Variants in TAS1R2 observed in about 807,000 individuals in gnomAD.
TAS1R2 encodes taste 1 receptor member 2.
A neutral mutation model predicts 49.3 loss-of-function variants in TAS1R2; 47 were observed. The ratio of observed to expected loss-of-function variants is 0.95; its 90% CI spans 0.75 to 1.22. The LOEUF (loss-of-function observed/expected upper bound fraction) is 1.22. TAS1R2 is among the 50% of genes most tolerant of loss of function. The pLI is 0.00. For synonymous variants in TAS1R2, 479 were observed against 467.9 expected, an observed-to-expected ratio of 1.02 and a Z score of -0.31; for missense variants, 1,155 against 1,122.1, an observed-to-expected ratio of 1.03 and a Z score of -0.42.
intron 2 of TAS1R2, 141 bp downstream of exon 2, chr1:18,857,190 G>A: frequency 1.0e-6 from 1 of 963,712 alleles, no homozygotes. Context: ...ACCTTCTCAA[G>A]ATTTGGGCTG....
intron 4 of TAS1R2, among the ~76,000 whole-genome samples, chr1:18,844,468 C>G (rs932613725): frequency 5.9e-5 from 9 of 152,142 alleles, no homozygotes; most frequent in Non-Finnish European, 1.2e-4. Context: ...TTGACTTGTC[C>G]CAGCCAGGCA....
intron 3 of TAS1R2, among the ~76,000 whole-genome samples, chr1:18,852,984 C>T (rs1019363781): frequency 8.5e-5 from 13 of 152,224 alleles, no homozygotes; most frequent in African/African-American, 3.1e-4. Flanking sequence ...GATTGGTGCC[C>T]TTTGGTCTCC....
chr1:18,846,927 A>G (rs147414955), intron 4 of TAS1R2, among the ~76,000 whole-genome samples: 135 of 152,278 alleles, frequency 8.9e-4, no homozygotes, highest in African/African-American at 3.2e-3. Context: ...ATTGTGAGTG[A>G]GTTCTTGTGA....
chr1:18,849,670 A>G, intron 3 of TAS1R2, 120 bp from the exon 4 acceptor site: 1 of 1,138,108 alleles, frequency 8.8e-7, no homozygotes, highest in Non-Finnish European at 1.3e-6. Context: ...TGTAATATGG[A>G]GGCAATAAAT....
intron 4 of TAS1R2, among the ~76,000 whole-genome samples, chr1:18,845,840 C>T (rs536489233): frequency 3.3e-5 from 5 of 152,122 alleles, no homozygotes; most frequent in Non-Finnish European, 7.3e-5. Flanking sequence ...AGGTCTGGAT[C>T]ACCCCCCAGG....
chr1:18,846,581 C>A (rs1373361320), intron 4 of TAS1R2, among the ~76,000 whole-genome samples: 2 of 152,224 alleles, frequency 1.3e-5, no homozygotes, highest in African/African-American at 4.8e-5. Context: ...TCCTAGTCCC[C>A]AGGACCCCAG....
At chr1:18,846,202 A>T (rs1933917463) in intron 4 of TAS1R2, among the ~76,000 whole-genome samples, 1 of 152,206 alleles carries the variant, frequency 6.6e-6, no homozygotes, top group Admixed American at 6.5e-5. Flanking sequence ...AGGCTGCAGT[A>T]TGAAATGCCC....
In TAS1R2 at chr1:18,849,560, T is replaced by C; in HGVS notation, c.1258-10A>G. On this transcript the variant is annotated splice_polypyrimidine_tract_variant and intron_variant, in intron 3 of 5. Transcript: ENST00000375371. The stretch of plus-strand genomic sequence containing the variant: ...AGATCTCCTCAAGCAGCTGGCGGGG[T>C]CAGAGGGAAGGGAAGTGGAGCTAGC... The C allele has an allele frequency of 1.2e-6, 2 of 1,613,702 alleles. No individual in the cohort carries two copies. The highest frequency in any genetic ancestry group is 1.7e-6 in the Non-Finnish European group (2 of 1,179,808).
chr1:18,848,698 G>A (rs1293737210), intron 4 of TAS1R2, among the ~76,000 whole-genome samples: 1 of 152,142 alleles, frequency 6.6e-6, no homozygotes, highest in African/African-American at 2.4e-5. Context: ...GATTCTCATA[G>A]GAGCACAAAC....
At position 18,854,068 on chromosome 1, in the gene TAS1R2, A is replaced by T. The variant is rs886850433; in HGVS notation, c.1257+145T>A. On this transcript the variant is annotated intron_variant, in intron 3 of 5. Transcript: ENST00000375371. The surrounding 1 kb of genome is among the most constrained non-coding windows in gnomAD (Gnocchi z 4.9). The stretch of plus-strand genomic sequence containing the variant: ...TGGTGAGTGTTCAATTAATTTAAAA[A>T]GCAATTTTGTTTTGGCACCAGGAAG... The T allele has an allele frequency of 2.7e-6, 2 of 747,980 alleles. No homozygotes were observed. Among genetic ancestry groups the T allele is most frequent in the Non-Finnish European group, 4.2e-6 (2 of 471,354 alleles). 46.3% of individuals were successfully genotyped at this position (747,980 alleles called of 1,614,324 possible). A position where few individuals can be genotyped will look rare whatever the true frequency, so the allele number is the denominator to read the frequency against.
exon 6 of TAS1R2, chr1:18,840,357 A>G: frequency 6.2e-7 from 1 of 1,614,172 alleles, no homozygotes; most frequent in Non-Finnish European, 8.5e-7. Context: ...AAGTGCCTCC[A>G]GAATATCACC....
intron 3 of TAS1R2, among the ~76,000 whole-genome samples, chr1:18,851,413 T>A (rs1934022537): frequency 6.6e-6 from 1 of 152,060 alleles, no homozygotes; most frequent in South Asian, 2.1e-4. Flanking sequence ...GACTACAACA[T>A]CCGTCTCCTG....
chr1:18,854,494 T>C lies in TAS1R2; in HGVS notation c.976A>G (p.Thr326Ala), dbSNP rs754110360. The change falls in exon 3 of 6, where the codon ACC becomes GCC. Residue 326 changes from threonine to alanine, a missense_variant. Physicochemically the swap from Thr to Ala is moderately conservative, Grantham distance 58 (BLOSUM62 0). Transcript: ENST00000375371. The surrounding 1 kb of genome is among the most constrained non-coding windows in gnomAD (Gnocchi z 4.9). ...CCCGGGATGGGCACGCTCTGGATGGTGATGCCCAGGAAGGTGCCCAAGTGG... is the reference window on the plus strand; with the variant it reads ...CCCGGGATGGGCACGCTCTGGATGGCGATGCCCAGGAAGGTGCCCAAGTGG... The C allele has an allele frequency of 6.2e-7, 1 of 1,613,984 alleles. No individual in the cohort carries two copies. The highest frequency in any genetic ancestry group is 1.1e-5 in the South Asian group (1 of 91,074).
chr1:18,851,527 C>T (rs1934025135), intron 3 of TAS1R2, among the ~76,000 whole-genome samples: 1 of 152,070 alleles, frequency 6.6e-6, no homozygotes, highest in Non-Finnish European at 1.5e-5. Context: ...GATGGGGTTT[C>T]ACCATGTTGG....
chr1:18,859,457 C>T (rs1934200901), intron 1 of TAS1R2, 22 bp downstream of exon 1: 4 of 1,613,240 alleles, frequency 2.5e-6, no homozygotes, highest in Non-Finnish European at 1.7e-6. Flanking sequence ...CTGCCACTTC[C>T]AGCCCCACAC....
exon 6 of TAS1R2, chr1:18,840,316 G>T: frequency 1.9e-6 from 3 of 1,614,050 alleles, no homozygotes; most frequent in Non-Finnish European, 1.7e-6. Context: ...AGCACATGGG[G>T]CCCCCAGCCG....
chr1:18,841,522 T>C (rs1456261798), intron 5 of TAS1R2, among the ~76,000 whole-genome samples: 1 of 152,174 alleles, frequency 6.6e-6, no homozygotes, highest in Admixed American at 6.5e-5. Context: ...CCTCCCTCTC[T>C]GAAGCAGCCT....
Position 18,854,828 on chromosome 1 carries a change from G to A in TAS1R2, c.642C>T (p.Thr214=), listed in dbSNP as rs1007618062. ...GCAGCTGGCCATTGTCGCGGCCATA[G>A]GTGTCGCTGCTCACCAGCACAATGA... Residue 214 remains threonine, a synonymous_variant, in exon 3 of 6, where the codon ACC becomes ACT. Transcript: ENST00000375371. This position sits in a 1 kb window ranked among gnomAD's most constrained non-coding sequence, Gnocchi z 4.9. 1 of 1,608,036 alleles carries A rather than the reference G, an allele frequency of 6.2e-7. No homozygotes were observed. The highest frequency in any genetic ancestry group is 8.5e-7 in the Non-Finnish European group (1 of 1,179,466).
Position 18,854,547 on chromosome 1 carries a change from G to C in TAS1R2, c.923C>G (p.Pro308Arg). 6.2e-7 allele frequency: 1 copy of C among 1,613,674 alleles called. No homozygotes were observed. Among genetic ancestry groups the C allele is most frequent in the African/African-American group, 1.3e-5 (1 of 74,982 alleles). ...CAGCTCCGTGAGGTTGTGCAGGACC[G>C]GGTCGATGGCCCAGGACTCGGAGGC... is the stretch of plus-strand genomic sequence containing the variant. The change falls in exon 3 of 6, where the codon CCG becomes CGG. Residue 308 changes from proline to arginine, a missense_variant. Pro to Arg is a moderately radical substitution (Grantham distance 103). Transcript: ENST00000375371. This position sits in a 1 kb window ranked among gnomAD's most constrained non-coding sequence, Gnocchi z 4.9.
Sources: gnomAD v4.1 joint callset for allele counts (sites outside exome capture counted in the v4.1 genomes callset) on GRCh38, gnomAD v4.1.1 for gene constraint, Gnocchi (gnomAD v3.1) non-coding constraint, MANE v1.5 for transcripts, NCBI Gene and HGNC (gene_info 2026-07-23, HGNC 2026-07-21) for gene names.